The following KHDRBS2 variants were observed in gnomAD, a reference collection of about 807,000 sequenced individuals.
KHDRBS2 encodes KH RNA binding domain containing, signal transduction associated 2.
KHDRBS2 carries 26 observed loss-of-function variants against 44.3 expected under a neutral mutation model. The ratio of observed to expected loss-of-function variants is 0.59; its 90% confidence interval spans 0.43 to 0.81. The LOEUF (loss-of-function observed/expected upper bound fraction) is 0.81, where lower values mean the gene tolerates loss of function less well. Among genes scored for constraint, KHDRBS2 ranks in the 40% least tolerant of loss-of-function variants. The pLI is 0.00. For synonymous variants in KHDRBS2, 194 were observed against 151.1 expected (o/e 1.28, Z -2.08); for missense variants, 476 against 433.1 (o/e 1.10, Z -0.88).
chr6:61,771,379 G>T (rs537505435), intron 6 of KHDRBS2, among the ~76,000 whole-genome samples: 2 of 152,232 alleles, frequency 1.3e-5, no homozygotes, highest in South Asian at 4.1e-4. Flanking sequence ...CCAATTAAAA[G>T]ACACAGACTG....
At chr6:62,059,198 G>GT (rs398001756) in intron 2 of KHDRBS2, among the ~76,000 whole-genome samples, 1,138 of 24,806 alleles carry the variant, frequency 0.046, 438 homozygotes, top group East Asian at 0.077. Context: ...AAGTTAGGAA[G>GT]TTTTTTTTTT....
chr6:61,862,487 T>A (rs1797137986), intron 6 of KHDRBS2, among the ~76,000 whole-genome samples: 2 of 152,062 alleles, frequency 1.3e-5, no homozygotes, highest in South Asian at 4.1e-4. Context: ...CTTTGAGGTA[T>A]CTTACTTCAA....
chr6:62,089,952 G>A lies in KHDRBS2; in HGVS notation c.220-41958C>T, dbSNP rs779117540. Among the ~76,000 whole-genome samples, 4 of 152,220 alleles carry A rather than the reference G, an allele frequency of 2.6e-5. No homozygotes were observed. The East Asian group carries it at 5.8e-4, about 22-fold the overall frequency. On this transcript the variant is annotated intron_variant, in intron 2 of 8. Coordinates refer to ENST00000281156, the MANE Select transcript of KHDRBS2 (RefSeq NM_152688.4). ...AGTACAGTAAATAGTGAAGGCCAAG[G>A]AACTGCAACGTCTGCATGTTGACTG... is the stretch of plus-strand genomic sequence containing the variant.
At chr6:61,747,121 C>T (rs1160360965) in intron 6 of KHDRBS2, among the ~76,000 whole-genome samples, 1 of 150,902 alleles carries the variant, frequency 6.6e-6, no homozygotes, top group Non-Finnish European at 1.5e-5. Flanking sequence ...GGCCAACAAA[C>T]ATATGAAAAA....
intron 4 of KHDRBS2, among the ~76,000 whole-genome samples, chr6:61,928,271 A>G (rs16900673): frequency 0.067 from 10,251 of 152,186 alleles, 412 homozygotes; most frequent in Middle Eastern, 0.13. Context: ...TTGCTTAGTA[A>G]TTGTAGTCTC....
chr6:62,210,708 C>A (rs952710806), intron 1 of KHDRBS2, among the ~76,000 whole-genome samples: 6 of 152,090 alleles, frequency 3.9e-5, no homozygotes, highest in Non-Finnish European at 8.8e-5. Context: ...ATTCACAGAA[C>A]ACATTATTTT....
chr6:62,271,531 G>A (rs1332314732), intron 1 of KHDRBS2, among the ~76,000 whole-genome samples: 1 of 152,068 alleles, frequency 6.6e-6, no homozygotes, highest in Admixed American at 6.6e-5. Context: ...AACAGGCTCA[G>A]GCAGATCCAT....
chr6:61,900,367 A>G (rs1299497478), intron 5 of KHDRBS2, among the ~76,000 whole-genome samples: 3 of 152,156 alleles, frequency 2.0e-5, no homozygotes, highest in Non-Finnish European at 4.4e-5. Context: ...TTTATGTAAT[A>G]TATGAAATAA....
chr6:62,053,181 C>T (rs955579211), intron 2 of KHDRBS2, among the ~76,000 whole-genome samples: 3 of 151,684 alleles, frequency 2.0e-5, no homozygotes, highest in Non-Finnish European at 4.4e-5. Flanking sequence ...TAAAGAAATA[C>T]CAGTCCCATT....
the KHDRBS2 span, among the ~76,000 whole-genome samples, chr6:61,549,663 G>T: frequency 6.6e-6 from 1 of 152,096 alleles, no homozygotes; most frequent in South Asian, 2.1e-4. Flanking sequence ...TTGGAAGAGA[G>T]AAAAGCATTA....
At chr6:62,107,255 C>T (rs1437146360) in intron 2 of KHDRBS2, among the ~76,000 whole-genome samples, 1 of 152,048 alleles carries the variant, frequency 6.6e-6, no homozygotes, top group Admixed American at 6.6e-5. Flanking sequence ...TCTCAGGATA[C>T]AAAATCAATG....
intron 1 of KHDRBS2, among the ~76,000 whole-genome samples, chr6:62,238,052 C>CAA (rs398048582): frequency 2.7e-4 from 31 of 116,736 alleles, no homozygotes; most frequent in African/African-American, 8.9e-4. Context: ...GACTCTGTCT[C>CAA]AAAAAAAAAA....
At chr6:62,062,440 A>G (rs1792215311) in intron 2 of KHDRBS2, among the ~76,000 whole-genome samples, 1 of 151,446 alleles carries the variant, frequency 6.6e-6, no homozygotes, top group Non-Finnish European at 1.5e-5. Context: ...CTCAGACCAC[A>G]GTGCAATCAA....
intron 5 of KHDRBS2, among the ~76,000 whole-genome samples, chr6:61,896,326 T>G (rs1802932544): frequency 1.3e-5 from 2 of 152,316 alleles, no homozygotes; most frequent in South Asian, 4.1e-4. Flanking sequence ...TTCACGAGCC[T>G]TCGCTATACC....
chr6:61,911,067 G>A (rs1439433243), intron 4 of KHDRBS2, among the ~76,000 whole-genome samples: 1 of 152,064 alleles, frequency 6.6e-6, no homozygotes, highest in African/African-American at 2.4e-5. Context: ...TCTTAACAAA[G>A]AAACTATAAT....
At chr6:61,739,835 T>C (rs1464021652) in intron 6 of KHDRBS2, among the ~76,000 whole-genome samples, 1 of 151,898 alleles carries the variant, frequency 6.6e-6, no homozygotes, top group Non-Finnish European at 1.5e-5. Context: ...ACAGATACAC[T>C]AGACATAAAT....
At chr6:62,173,366 A>G (rs913561122) in intron 2 of KHDRBS2, among the ~76,000 whole-genome samples, 1 of 152,062 alleles carries the variant, frequency 6.6e-6, no homozygotes, top group African/African-American at 2.4e-5. Context: ...GGACACATAC[A>G]ACCTCCCAAG....
At chr6:62,243,201 TC>T (rs748641443) in intron 1 of KHDRBS2, among the ~76,000 whole-genome samples, 2 of 152,082 alleles carry the variant, frequency 1.3e-5, no homozygotes, top group Non-Finnish European at 2.9e-5. Context: ...ATATATCATA[TC>T]TATGTATGTA....
chr6:61,740,099 T>G (rs970204064), intron 6 of KHDRBS2, among the ~76,000 whole-genome samples: 1 of 151,866 alleles, frequency 6.6e-6, no homozygotes, highest in African/African-American at 2.4e-5. Flanking sequence ...TCCAAGAGTA[T>G]GTAACAGGTG....
Sources: gnomAD v4.1 joint callset for allele counts (sites outside exome capture counted in the v4.1 genomes callset) on GRCh38, gnomAD v4.1.1 for gene constraint, MANE v1.5 for transcripts, NCBI Gene and HGNC (gene_info 2026-07-23, HGNC 2026-07-21) for gene names.